TANC2: variants seen among roughly 807,000 people sequenced by gnomAD.
TANC2 encodes the protein tetratricopeptide repeat, ankyrin repeat and coiled-coil containing 2.
A neutral mutation model predicts 210.5 loss-of-function variants in TANC2; 26 were observed. That is an observed-to-expected ratio of 0.12 (90% CI 0.09 to 0.17). TANC2 has a LOEUF of 0.17. TANC2 is among the 10% of genes least tolerant of loss of function. The pLI is 1.00. For synonymous variants in TANC2, 931 were observed against 967.1 expected, an observed-to-expected ratio of 0.96 and a Z score of 0.69; for missense variants, 2,129 against 2,608.9, an observed-to-expected ratio of 0.82 and a Z score of 4.01.
intron 5 of TANC2, among the ~76,000 whole-genome samples, chr17:63,190,352 A>G (rs2041142140): frequency 6.6e-6 from 1 of 152,160 alleles, no homozygotes; most frequent in Non-Finnish European, 1.5e-5. Context: ...AAAAGAAAAA[A>G]AAAGATCAAT....
intron 19 of TANC2, among the ~76,000 whole-genome samples, chr17:63,401,587 C>G (rs2048345865): frequency 6.6e-6 from 1 of 152,206 alleles, no homozygotes; most frequent in Admixed American, 6.5e-5. Flanking sequence ...ATCCTGGTTG[C>G]TTTCATCTTC....
intron 1 of TANC2, among the ~76,000 whole-genome samples, chr17:62,991,458 G>A (rs957451663): frequency 6.6e-6 from 1 of 151,806 alleles, no homozygotes; most frequent in African/African-American, 2.4e-5. Flanking sequence ...CTAACACGAC[G>A]AAACCCCGTC....
intron 11 of TANC2, among the ~76,000 whole-genome samples, chr17:63,324,149 A>T (rs866480982): frequency 1.3e-5 from 2 of 152,346 alleles, no homozygotes; most frequent in Middle Eastern, 6.8e-3. Flanking sequence ...GAATCTCCCA[A>T]CACATTAAGC....
intron 14 of TANC2, among the ~76,000 whole-genome samples, chr17:63,362,525 C>T (rs142184983): frequency 9.2e-5 from 14 of 151,800 alleles, no homozygotes; most frequent in Admixed American, 1.3e-4. Flanking sequence ...CCGAGAGGCA[C>T]CTGCAGGCCG....
At chr17:63,396,230 A>C in intron 18 of TANC2, 1 of 309,120 alleles carries the variant, frequency 3.2e-6, no homozygotes, top group Non-Finnish European at 6.1e-6. Flanking sequence ...TGAATTATTG[A>C]GGTGTAGTCA....
intron 5 of TANC2, among the ~76,000 whole-genome samples, chr17:63,157,040 ATTGT>A (rs1471762358): frequency 1.3e-5 from 2 of 151,996 alleles, no homozygotes; most frequent in African/African-American, 4.8e-5. Flanking sequence ...TTAGTTTTTC[ATTGT>A]TTGTGATGTG....
intron 18 of TANC2, among the ~76,000 whole-genome samples, chr17:63,397,456 T>A (rs1021748303): frequency 1.3e-5 from 2 of 152,256 alleles, no homozygotes; most frequent in Non-Finnish European, 2.9e-5. Context: ...CTTTTCTCAA[T>A]AACTGTATTG....
chr17:63,167,013 A>G (rs902949180), intron 5 of TANC2, among the ~76,000 whole-genome samples: 1 of 152,168 alleles, frequency 6.6e-6, no homozygotes, highest in African/African-American at 2.4e-5. Context: ...GAGAGGGAAA[A>G]GAATTATGAA....
chr17:63,335,711 G>A (rs2146751860), intron 11 of TANC2, among the ~76,000 whole-genome samples: 1 of 152,122 alleles, frequency 6.6e-6, no homozygotes, highest in Non-Finnish European at 1.5e-5. Flanking sequence ...ACAGTATGGG[G>A]TCCTGGATAG....
At position 63,358,167 on chromosome 17, in the gene TANC2, G is replaced by GA. The variant is rs536097942; in HGVS notation, c.2582+2780dup. Among the ~76,000 whole-genome samples, 719 of 152,324 alleles carry GA rather than the reference G, an allele frequency of 4.7e-3. 1 individual carries two copies. The highest frequency in any genetic ancestry group is 7.8e-3 in the Non-Finnish European group (530 of 68,032). On this transcript the variant is annotated intron_variant, in intron 14 of 27. Transcript: ENST00000689528. ...AATCTGAGAATGGTGCTGGAAGCAG[G>GA]AAATAGCAGAGCCAGAGGTTAATGC... is the stretch of plus-strand genomic sequence containing the variant.
At chr17:63,414,952 C>T (rs886117925) in intron 25 of TANC2, among the ~76,000 whole-genome samples, 8 of 152,220 alleles carry the variant, frequency 5.3e-5, no homozygotes, top group Non-Finnish European at 8.8e-5. Context: ...TTTCTACTGC[C>T]ACCCTACTCC....
At chr17:63,374,067 C>T (rs1317096960) in intron 14 of TANC2, among the ~76,000 whole-genome samples, 1 of 131,766 alleles carries the variant, frequency 7.6e-6, no homozygotes, top group Non-Finnish European at 1.5e-5. Flanking sequence ...GTCAGGGCCT[C>T]GCTGTGTTGC....
At chr17:63,350,714 G>A (rs937397287) in intron 12 of TANC2, among the ~76,000 whole-genome samples, 6 of 152,008 alleles carry the variant, frequency 3.9e-5, no homozygotes, top group Non-Finnish European at 5.9e-5. Flanking sequence ...TCTAATGCCT[G>A]GGATTCCTTT....
intron 5 of TANC2, among the ~76,000 whole-genome samples, chr17:63,191,702 A>G (rs986105679): frequency 2.0e-5 from 3 of 152,062 alleles, no homozygotes; most frequent in Non-Finnish European, 4.4e-5. Context: ...GGCTCAAGTG[A>G]TCAACCTGCC....
At chr17:63,016,012 T>C (rs571249737) in intron 2 of TANC2, among the ~76,000 whole-genome samples, 1 of 152,178 alleles carries the variant, frequency 6.6e-6, no homozygotes, top group African/African-American at 2.4e-5. Context: ...ATTTCAGATA[T>C]TCGGGAATTC....
At chr17:63,336,569 C>A (rs984927097) in intron 11 of TANC2, among the ~76,000 whole-genome samples, 2 of 152,210 alleles carry the variant, frequency 1.3e-5, no homozygotes, top group African/African-American at 4.8e-5. Context: ...CTAGTCTTTT[C>A]TTTCTGTATA....
chr17:63,212,458 A>G (rs566416327), intron 7 of TANC2, among the ~76,000 whole-genome samples: 125 of 152,324 alleles, frequency 8.2e-4, no homozygotes, highest in African/African-American at 2.8e-3. Context: ...GCTTGAAGAA[A>G]TACCTAGGTG....
At chr17:63,355,028 A>G (rs770635810) in exon 14 of TANC2, 1 of 1,613,950 alleles carries the variant, frequency 6.2e-7, no homozygotes, top group Non-Finnish European at 8.5e-7. Flanking sequence ...TCATAGAGAA[A>G]GGCTATCTAG....
At chr17:63,004,957 G>A (rs1478997645) in intron 1 of TANC2, 5 of 196,618 alleles carry the variant, frequency 2.5e-5, no homozygotes, top group African/African-American at 1.2e-4. Context: ...TCCTTCTCGT[G>A]GGCATGGTGG....
Sources: allele counts gnomAD v4.1 joint callset (sites outside exome capture counted in the v4.1 genomes callset), GRCh38; gene constraint gnomAD v4.1.1; transcripts MANE v1.5; gene names NCBI Gene and HGNC (gene_info 2026-07-23, HGNC 2026-07-21).